Variants in ADAMTS14 observed in about 807,000 individuals in gnomAD.
ADAMTS14 encodes the protein A disintegrin and metalloproteinase with thrombospondin motifs 14.
Under a neutral mutation model 128.6 loss-of-function variants are expected in ADAMTS14, and 100 were observed. That is an observed-to-expected ratio of 0.78 (90% CI 0.66 to 0.92). ADAMTS14 has a LOEUF of 0.92. Among genes scored for constraint, ADAMTS14 ranks in the 40% least tolerant of loss-of-function variants. The probability of loss-of-function intolerance (pLI) is 0.00; values close to 1 mark genes in which losing one functional copy is unlikely to be tolerated. For synonymous variants in ADAMTS14, 665 were observed against 653.8 expected (o/e 1.02, Z -0.26); for missense variants, 1,562 against 1,658.6 (o/e 0.94, Z 1.01).
intron 4 of ADAMTS14, among the ~76,000 whole-genome samples, chr10:70,727,535 C>T (rs761487614): frequency 2.0e-5 from 3 of 150,626 alleles, no homozygotes; most frequent in Non-Finnish European, 3.0e-5. Flanking sequence ...TCCCTAACCG[C>T]ACTGCTGGCA....
chr10:70,760,319 C>A, intron 21 of ADAMTS14, 41 bp from the exon 22 acceptor site: 1 of 1,506,278 alleles, frequency 6.6e-7, no homozygotes. Flanking sequence ...GACAGGCATC[C>A]CCACGTTGCT....
Position 70,754,126 on chromosome 10 carries a change from T to G in ADAMTS14, c.2937+119T>G, listed in dbSNP as rs541518565. The G allele has an allele frequency of 1.3e-4, 133 of 1,032,288 alleles. No individual in the cohort carries two copies. In the African/African-American group the frequency reaches 1.9e-3, roughly 15 times the overall value. 63.9% of individuals were successfully genotyped at this position (1,032,288 alleles called of 1,614,324 possible). Reference sequence around the variant, plus strand: ...GAATGGCTCCCCCTACATCAAATTTTGTTTTCCTTAAAGTAGAATAGCTCC... The same window carrying G: ...GAATGGCTCCCCCTACATCAAATTTGGTTTTCCTTAAAGTAGAATAGCTCC... On this transcript the variant is annotated intron_variant, in intron 19 of 21. Transcript: ENST00000373207.
intron 2 of ADAMTS14, among the ~76,000 whole-genome samples, chr10:70,689,663 A>G (rs4747075): frequency 0.71 from 102,761 of 144,864 alleles, 40,799 homozygotes; most frequent in East Asian, 0.86. Flanking sequence ...CCAGATGATG[A>G]CATTCGCCTT....
In ADAMTS14 at chr10:70,758,058, A is replaced by C. The variant is rs754869457; in HGVS notation, c.3034A>C (p.Thr1012Pro). ...GCATTGCGAGGGGGATAGGCCAGAC[A>C]CTGTCCAGGTCTGCAGCCTGCCCGC... ...LGHCEGDRPD[T>P]VQVCSLPACG... Residue 1012 changes from threonine (T) to proline (P), a missense_variant, in exon 20 of 22, where the codon ACT (threonine) becomes CCT (proline). Thr to Pro is a conservative substitution (Grantham distance 38). Transcript: ENST00000373207. 6.2e-7 allele frequency: 1 copy of C among 1,613,522 alleles called. No individual in the cohort carries two copies. Among genetic ancestry groups the C allele is most frequent in the Non-Finnish European group, 8.5e-7 (1 of 1,179,780 alleles).
rs1052855317 is a variant in ADAMTS14 at position 70,672,735 on chromosome 10, G to T, written c.-68G>T. The stretch of plus-strand genomic sequence containing the variant: ...CTCCGACAGCCCGGGGCGCACCCTA[G>T]CCTCGCCGCCCTCAGCCTGGGACTT... On this transcript the variant is annotated 5_prime_UTR_variant, in exon 1 of 22. Coordinates refer to ENST00000373207, the MANE Select transcript of ADAMTS14 (RefSeq NM_080722.4). 3.5e-5 allele frequency: 50 copies of T among 1,435,630 alleles called. No homozygotes were observed. The highest frequency in any genetic ancestry group is 4.4e-5 in the Non-Finnish European group (48 of 1,099,834). The allele number at this position is 1,435,630 out of a possible 1,614,324, so 88.9% of individuals were successfully genotyped here. A position where few individuals can be genotyped will look rare whatever the true frequency, so the allele number is the denominator to read the frequency against.
chr10:70,739,738 G>A (rs1022687690), intron 11 of ADAMTS14, among the ~76,000 whole-genome samples: 3 of 152,172 alleles, frequency 2.0e-5, no homozygotes, highest in Admixed American at 6.5e-5. Flanking sequence ...CTGCGGAATC[G>A]CAAAGTTGTA....
At chr10:70,724,674 G>A (rs767810951) in intron 4 of ADAMTS14, among the ~76,000 whole-genome samples, 4 of 152,184 alleles carry the variant, frequency 2.6e-5, no homozygotes, top group Non-Finnish European at 2.9e-5. Flanking sequence ...AATCAAAGAC[G>A]CTGAGGTCCC....
intron 3 of ADAMTS14, among the ~76,000 whole-genome samples, chr10:70,708,341 T>G (rs10823600): frequency 0.35 from 52,548 of 152,038 alleles, 9,633 homozygotes; most frequent in East Asian, 0.63. Flanking sequence ...GAACCCAGGC[T>G]TTCTGCTCTG....
At chr10:70,701,550 T>C (rs1840492937) in intron 2 of ADAMTS14, among the ~76,000 whole-genome samples, 1 of 152,262 alleles carries the variant, frequency 6.6e-6, no homozygotes, top group Non-Finnish European at 1.5e-5. Context: ...AACCCACATC[T>C]AGTTGTATGT....
intron 4 of ADAMTS14, among the ~76,000 whole-genome samples, chr10:70,726,917 G>T (rs1487746333): frequency 6.6e-6 from 1 of 152,208 alleles, no homozygotes; most frequent in African/African-American, 2.4e-5. Flanking sequence ...CTGCTCGTTG[G>T]ACTATGGTCA....
chr10:70,717,161 C>T (rs923986235), intron 4 of ADAMTS14, among the ~76,000 whole-genome samples: 3 of 152,104 alleles, frequency 2.0e-5, no homozygotes, highest in Admixed American at 1.3e-4. Flanking sequence ...AGACAGACTC[C>T]CATCGTGGAA....
chr10:70,760,765 C>A lies in ADAMTS14; in HGVS notation c.3584C>A (p.Pro1195His), dbSNP rs1408905467. The A allele has an allele frequency of 6.2e-7, 1 of 1,613,260 alleles. No homozygotes were observed. Among genetic ancestry groups the A allele is most frequent in the Admixed American group, 1.7e-5 (1 of 59,924 alleles). ...CTGCCTTGGGGCTGGACTCAGACAC[C>A]TACGCCAGTCCCTGAGGACAAAGGG... is the stretch of plus-strand genomic sequence containing the variant. Reference protein sequence around the residue: ...GGLPWGWTQTPTPVPEDKGQP... With the variant: ...GGLPWGWTQTHTPVPEDKGQP... The change falls in exon 22 of 22, where the codon CCT becomes CAT. Residue 1195 changes from proline to histidine, a missense_variant. Pro to His is a moderately conservative substitution (Grantham distance 77). Coordinates refer to ENST00000373207, the MANE Select transcript of ADAMTS14 (RefSeq NM_080722.4).
chr10:70,748,049 G>C (rs937373644), intron 15 of ADAMTS14, among the ~76,000 whole-genome samples: 2 of 151,896 alleles, frequency 1.3e-5, no homozygotes, highest in African/African-American at 2.4e-5. Flanking sequence ...GGAAGAGAAG[G>C]AGAACTCATG....
chr10:70,726,062 G>A (rs974976121), intron 4 of ADAMTS14, among the ~76,000 whole-genome samples: 1 of 152,234 alleles, frequency 6.6e-6, no homozygotes, highest in Non-Finnish European at 1.5e-5. Context: ...ATCTCCAGAT[G>A]GGCTGTCCCT....
intron 2 of ADAMTS14, among the ~76,000 whole-genome samples, chr10:70,689,440 T>C (rs1840119185): frequency 6.9e-6 from 1 of 144,632 alleles, no homozygotes; most frequent in African/African-American, 2.4e-5. Context: ...AGTGATGGGG[T>C]GGCCTTCGAG....
At chr10:70,701,451 G>A (rs1415553719) in intron 2 of ADAMTS14, among the ~76,000 whole-genome samples, 1 of 152,224 alleles carries the variant, frequency 6.6e-6, no homozygotes, top group Admixed American at 6.5e-5. Flanking sequence ...CACGGTAGGT[G>A]GGCTGCTCTT....
chr10:70,742,002 C>A (rs138731903), intron 12 of ADAMTS14, among the ~76,000 whole-genome samples: 1 of 152,198 alleles, frequency 6.6e-6, no homozygotes, highest in Non-Finnish European at 1.5e-5. Flanking sequence ...CCCATCAGGA[C>A]GGGCTTTCCT....
At chr10:70,705,763 G>A (rs1840646730) in intron 3 of ADAMTS14, among the ~76,000 whole-genome samples, 1 of 152,246 alleles carries the variant, frequency 6.6e-6, no homozygotes, top group African/African-American at 2.4e-5. Context: ...GGGATCGCCT[G>A]TCTTGATGCT....
At position 70,757,942 on chromosome 10, in the gene ADAMTS14, C is replaced by T. The variant is rs1193124370; in HGVS notation, c.2938-20C>T. On this transcript the variant is annotated intron_variant, in intron 19 of 21. Transcript: ENST00000373207. ...CCCTGACCCCGGCCGCTATGCCTGG[C>T]ACTGACCCACCCACGGCAGTGCTCT... 13 of 1,592,548 alleles carry T rather than the reference C, an allele frequency of 8.2e-6. No individual in the cohort carries two copies. The highest frequency in any genetic ancestry group is 1.3e-5 in the African/African-American group (1 of 74,706).
Sources: allele counts gnomAD v4.1 joint callset (sites outside exome capture counted in the v4.1 genomes callset), GRCh38; gene constraint gnomAD v4.1.1; transcripts MANE v1.5; gene names NCBI Gene and HGNC (gene_info 2026-07-23, HGNC 2026-07-21).